NLGN3: variants seen among roughly 807,000 people sequenced by gnomAD.
NLGN3 encodes neuroligin 3.
A neutral mutation model predicts 42.9 loss-of-function variants in NLGN3; 11 were observed. That is an observed-to-expected ratio of 0.26 (90% confidence interval 0.16 to 0.42). NLGN3 has a LOEUF of 0.42. NLGN3 is among the 10% of genes least tolerant of loss of function. NLGN3 has a pLI of 1.00. For missense variants in NLGN3, 374 were observed against 733.8 expected (o/e 0.51, Z 5.67); for synonymous variants, 279 against 312.7 (o/e 0.89, Z 1.14).
At position 71,168,854 on chromosome X, in the gene NLGN3, AAAG is replaced by A. The variant is rs1242866320; in HGVS notation, c.1704-397_1704-395del. 5.8e-3 allele frequency among the ~76,000 whole-genome samples: 529 copies of A among 90,813 alleles called. 9 individuals carry two copies. Among genetic ancestry groups the A allele is most frequent in the African/African-American group, 0.028 (497 of 17,516 alleles). The allele number at this position is 90,813 out of a possible 115,157, so 78.9% of individuals were successfully genotyped here. A position where few individuals can be genotyped will look rare whatever the true frequency, so the allele number is the denominator to read the frequency against. Reference sequence around the variant, plus strand: ...GAAAGAAAGAAAGAAAGAAAGAAAGAAAGAAAGAAAGAAAGAGAAAGAAAAGAA... The same window carrying A: ...GAAAGAAAGAAAGAAAGAAAGAAAGAAAAGAAAGAAAGAGAAAGAAAAGAA... On this transcript the variant is annotated intron_variant, in intron 7 of 7. Transcript: ENST00000358741.
intron 3 of NLGN3, 110 bp downstream of exon 3, chrX:71,149,015 G>T (rs1299366018): frequency 4.4e-6 from 2 of 459,509 alleles, no homozygotes; most frequent in Non-Finnish European, 7.1e-6. Flanking sequence ...GGCTCAGGGG[G>T]CAGTAAGCAG....
intron 6 of NLGN3, among the ~76,000 whole-genome samples, chrX:71,165,524 T>C (rs2092443865): frequency 9.1e-6 from 1 of 110,199 alleles, no homozygotes; most frequent in Admixed American, 9.6e-5. Flanking sequence ...GTTTGACTTT[T>C]TTTTTTTCTT....
intron 5 of NLGN3, among the ~76,000 whole-genome samples, chrX:71,157,303 T>C (rs1441526753): frequency 1.9e-5 from 2 of 107,184 alleles, no homozygotes; most frequent in Non-Finnish European, 3.8e-5. Flanking sequence ...TATTTATTTA[T>C]TTATTTATTT....
chrX:71,153,077 G>T (rs2092396691), intron 3 of NLGN3, among the ~76,000 whole-genome samples: 1 of 112,098 alleles, frequency 8.9e-6, no homozygotes, highest in Non-Finnish European at 1.9e-5. Flanking sequence ...ACCTGACCCT[G>T]CTCTCCAGCT....
At position 71,147,759 on chromosome X, in the gene NLGN3, C is replaced by T. The variant is rs376877146; in HGVS notation, c.10C>T (p.Arg4Trp). MWL[R>W]LGPPSLSLSP... ...TCCCCCTGCCCGGAACATGTGGCTGCGGCTTGGCCCGCCCTCGCTGTCCCT... is the reference window on the plus strand; with the variant it reads ...TCCCCCTGCCCGGAACATGTGGCTGTGGCTTGGCCCGCCCTCGCTGTCCCT... The change falls in exon 2 of 8, where the codon CGG becomes TGG. Residue 4 changes from arginine to tryptophan, a missense_variant. Physicochemically the swap from Arg to Trp is moderately radical, Grantham distance 101. Around this residue, in one of 6 missense-constraint regions of NLGN3, gnomAD observed 109 missense variants for 173.3 expected, o/e 0.63. Transcript: ENST00000358741. 370 of 1,203,792 alleles carry T rather than the reference C, an allele frequency of 3.1e-4. 2 individuals are homozygous for T. The South Asian group carries it at 4.6e-3, about 15-fold the overall frequency.
chrX:71,172,407 G>C (rs1212877435), downstream of NLGN3, among the ~76,000 whole-genome samples: 2 of 111,046 alleles, frequency 1.8e-5, no homozygotes, highest in African/African-American at 6.6e-5. Flanking sequence ...GCCCGTCACA[G>C]TTAGTATTAG....
chrX:71,156,714 G>A (rs905020233), intron 5 of NLGN3, among the ~76,000 whole-genome samples: 2 of 109,488 alleles, frequency 1.8e-5, no homozygotes, highest in Non-Finnish European at 1.9e-5. Context: ...TCCTTACCCC[G>A]TATATGCACA....
intron 1 of NLGN3, among the ~76,000 whole-genome samples, chrX:71,147,316 C>T (rs934848583): frequency 1.8e-5 from 2 of 112,264 alleles, no homozygotes; most frequent in African/African-American, 3.2e-5. Context: ...CGGGAACTTG[C>T]AGTGGCAACA....
chrX:71,150,570 C>T lies in NLGN3; in HGVS notation c.517+1665C>T, dbSNP rs1267308877. Among the ~76,000 whole-genome samples, 5 of 109,554 alleles carry T rather than the reference C, an allele frequency of 4.6e-5. No individual in the cohort carries two copies. In the South Asian group the frequency reaches 1.2e-3, roughly 26 times the overall value. The stretch of plus-strand genomic sequence containing the variant: ...ACAAAAAATTAGCTGGGCGTGGTGG[C>T]GGGTGCCTGTAGTTCCGGCTACTCG... On this transcript the variant is annotated intron_variant, in intron 3 of 7. Transcript: ENST00000358741.
chrX:71,148,810 C>T (rs1284158899), intron 2 of NLGN3, 36 bp from the exon 3 acceptor site: 2 of 1,133,571 alleles, frequency 1.8e-6, no homozygotes, highest in African/African-American at 1.8e-5. Context: ...GGGCAGAGGC[C>T]TCCTGTTATT....
In NLGN3 at chrX:71,167,181, G is replaced by C; in HGVS notation, c.1084G>C (p.Glu362Gln). The C allele has an allele frequency of 8.3e-7, 1 of 1,212,111 alleles. No individual in the cohort carries two copies. Among genetic ancestry groups the C allele is most frequent in the Admixed American group, 2.2e-5 (1 of 46,083 alleles). The change falls in exon 7 of 8, where the codon GAG becomes CAG. Residue 362 changes from glutamate to glutamine, a missense_variant. By Grantham distance (29) the Glu-to-Gln change is conservative (BLOSUM62 2). Around this residue, in one of 6 missense-constraint regions of NLGN3, gnomAD observed 142 missense variants for 359.1 expected, o/e 0.40. Transcript: ENST00000358741. Reference protein sequence around the residue: ...LRQKSAKELVEQDIQPARYHV... With the variant: ...LRQKSAKELVQQDIQPARYHV... Reference sequence around the variant, plus strand: ...GCAAAAGAGTGCCAAGGAGCTGGTAGAGCAGGACATCCAGCCAGCCCGCTA... The same window carrying C: ...GCAAAAGAGTGCCAAGGAGCTGGTACAGCAGGACATCCAGCCAGCCCGCTA...
At chrX:71,148,263 T>A in intron 2 of NLGN3, 57 bp downstream of exon 2, 1 of 982,587 alleles carries the variant, frequency 1.0e-6, no homozygotes, top group Non-Finnish European at 1.5e-6. Flanking sequence ...CCTGCTGTGT[T>A]TGTGGCTTGC....
intron 7 of NLGN3, among the ~76,000 whole-genome samples, chrX:71,168,939 TA>T (rs750129291): frequency 1.4e-4 from 15 of 109,848 alleles, no homozygotes; most frequent in African/African-American, 5.0e-4. Flanking sequence ...TCTGCTTGCT[TA>T]ATAAAAGAAA....
chrX:71,171,984 T>C (rs1185010236), downstream of NLGN3, among the ~76,000 whole-genome samples: 2 of 111,651 alleles, frequency 1.8e-5, no homozygotes, highest in Non-Finnish European at 3.8e-5. Context: ...CAAATGACCC[T>C]GATAAAATGA....
intron 1 of NLGN3, among the ~76,000 whole-genome samples, chrX:71,145,282 C>A (rs1218198346): frequency 1.0e-5 from 1 of 99,803 alleles, no homozygotes; most frequent in Admixed American, 1.1e-4. Context: ...CCAGTCCCCC[C>A]TCCCCTGCAG....
chrX:71,174,928 G>A (rs750731489), downstream of NLGN3, among the ~76,000 whole-genome samples: 43 of 112,074 alleles, frequency 3.8e-4, no homozygotes, highest in Non-Finnish European at 7.1e-4. Flanking sequence ...TTTGGTTGCT[G>A]TAAAAAGTAT....
chrX:71,149,655 C>T (rs1407080765), intron 3 of NLGN3, among the ~76,000 whole-genome samples: 5 of 111,786 alleles, frequency 4.5e-5, no homozygotes, highest in Non-Finnish European at 9.4e-5. Context: ...ATCAGTATCC[C>T]AATTTTACAG....
intron 3 of NLGN3, 104 bp downstream of exon 3, chrX:71,149,009 C>T (rs1316221437): frequency 4.2e-6 from 2 of 478,289 alleles, no homozygotes; most frequent in African/African-American, 5.1e-5. Context: ...AGCCCAGGCT[C>T]AGGGGGCAGT....
chrX:71,170,312 AAC>A lies in NLGN3; in HGVS notation c.*217_*218del. ...AAACACAAATACGGAAGTAAACCTG[AAC>A]AAACCCTTTAAATGGGGACGCAGAT... On this transcript the variant is annotated 3_prime_UTR_variant, in exon 8 of 8. Transcript: ENST00000358741. 2 of 1,090,989 alleles carry A rather than the reference AAC, an allele frequency of 1.8e-6. No individual in the cohort carries two copies. The highest frequency in any genetic ancestry group is 2.4e-6 in the Non-Finnish European group (2 of 837,433). The allele number at this position is 1,090,989 out of a possible 1,213,427, so 89.9% of individuals were successfully genotyped here.
Sources: allele counts gnomAD v4.1 joint callset (sites outside exome capture counted in the v4.1 genomes callset), GRCh38; gene constraint gnomAD v4.1.1; regional missense constraint gnomAD v4.1.1; transcripts MANE v1.5; gene names NCBI Gene and HGNC (gene_info 2026-07-23, HGNC 2026-07-21).